The following CPSF4 variants were observed in gnomAD, a reference collection of about 807,000 sequenced individuals.
The protein encoded by CPSF4 is cleavage and polyadenylation specificity factor subunit 4.
A neutral mutation model predicts 37.7 loss-of-function variants in CPSF4; 11 were observed. The observed-to-expected ratio is 0.29, with a 90% CI of 0.18 to 0.48. CPSF4 has a LOEUF of 0.48. CPSF4 is among the 20% of genes least tolerant of loss of function. The pLI, the probability that CPSF4 is intolerant of heterozygous loss-of-function variation, is 0.99. For missense variants in CPSF4, 144 were observed against 359.5 expected, an observed-to-expected ratio of 0.40 and a Z score of 4.85; for synonymous variants, 132 against 135.9, an observed-to-expected ratio of 0.97 and a Z score of 0.20.
At chr7:99,452,315 C>G in intron 5 of CPSF4, 53 bp from the exon 6 acceptor site, 1 of 1,471,116 alleles carries the variant, frequency 6.8e-7, no homozygotes, top group Non-Finnish European at 9.5e-7. Context: ...TCTTCTCATC[C>G]CCTGACCCCA....
At position 99,448,590 on chromosome 7, in the gene CPSF4, A is replaced by C. The variant is rs1797710832; in HGVS notation, c.307+317A>C. 4.0e-6 allele frequency: 1 copy of C among 248,154 alleles called. No individual in the cohort carries two copies. Among genetic ancestry groups the C allele is most frequent in the Non-Finnish European group, 7.8e-6 (1 of 128,958 alleles). The allele number at this position is 248,154 out of a possible 1,614,324, so 15.4% of individuals were successfully genotyped here. ...GCTGGGATTACAGGCGTGAGCCACC[A>C]CGCCTGGCCCCGCGCATCACTTTGG... On this transcript the variant is annotated intron_variant, in intron 3 of 7. Coordinates refer to ENST00000292476, the MANE Select transcript of CPSF4 (RefSeq NM_006693.4). The surrounding 1 kb of genome is among the most constrained non-coding windows in gnomAD (Gnocchi z 4.4).
rs759444775 is a variant in CPSF4, at chr7:99,454,110, C to A, written c.715C>A (p.Pro239Thr). The A allele has an allele frequency of 8.7e-6, 14 of 1,613,912 alleles. No individual in the cohort carries two copies. The Admixed American group carries it at 2.3e-4, about 27-fold the overall frequency. The change falls in exon 7 of 8, where the codon CCA (proline) becomes ACA (threonine). Residue 239 changes from proline to threonine, a missense_variant. Physicochemically the swap from Pro to Thr is conservative, Grantham distance 38. Around this residue, in one of 4 missense-constraint regions of CPSF4, gnomAD observed 86 missense variants for 141.5 expected, o/e 0.61. Transcript: ENST00000292476. ...NSSAGNRGPR[P>T]LEQVTCYKCG... ...CAGCGCGGGCAACCGGGGACCCCGG[C>A]CACTGGAGCAGGTCACCTGTTACAA...
intron 1 of CPSF4, among the ~76,000 whole-genome samples, chr7:99,444,073 G>A (rs772889779): frequency 6.6e-6 from 1 of 152,158 alleles, no homozygotes; most frequent in African/African-American, 2.4e-5. Context: ...TTGTCTGTAC[G>A]TCTGTGAGAT....
Position 99,454,874 on chromosome 7 carries a change from T to C in CPSF4, c.741+738T>C, listed in dbSNP as rs771545026. Among the ~76,000 whole-genome samples the C allele has an allele frequency of 2.1e-3, 322 of 152,264 alleles. 1 individual carries two copies. The highest frequency in any genetic ancestry group is 3.3e-3 in the Non-Finnish European group (222 of 68,010). Reference sequence around the variant, plus strand: ...CACACAATTCCTACAGCTGGAGTTCTGAAGAATGAGTCCAGATTAAAAATC... The same window carrying C: ...CACACAATTCCTACAGCTGGAGTTCCGAAGAATGAGTCCAGATTAAAAATC... On this transcript the variant is annotated intron_variant, in intron 7 of 7. Coordinates refer to ENST00000292476, the MANE Select transcript of CPSF4 (RefSeq NM_006693.4).
intron 5 of CPSF4, 40 bp downstream of exon 5, chr7:99,450,835 G>A: frequency 6.8e-7 from 1 of 1,480,406 alleles, no homozygotes; most frequent in Non-Finnish European, 9.4e-7. Flanking sequence ...CCAGCTCCCG[G>A]CCCAGGCCCT....
In CPSF4 at chr7:99,450,413, C is replaced by T. The variant is rs1174445657; in HGVS notation, c.403+42C>T. The stretch of plus-strand genomic sequence containing the variant: ...GCTGGGCCCCGGGCAAGAAGCCAGT[C>T]CTCCCTTCTCTGCCCACGACCCTGG... On this transcript the variant is annotated intron_variant, in intron 4 of 7. Coordinates refer to ENST00000292476, the MANE Select transcript of CPSF4 (RefSeq NM_006693.4). 5 of 1,397,742 alleles carry T rather than the reference C, an allele frequency of 3.6e-6. No individual in the cohort carries two copies. The African/African-American group carries it at 5.7e-5, about 16-fold the overall frequency. The allele number at this position is 1,397,742 out of a possible 1,614,324, so 86.6% of individuals were successfully genotyped here.
In CPSF4 at chr7:99,456,666, T is replaced by A; in HGVS notation, c.*166T>A. 1 of 699,504 alleles carries A rather than the reference T, an allele frequency of 1.4e-6. No homozygotes were observed. The highest frequency in any genetic ancestry group is 2.6e-6 in the Non-Finnish European group (1 of 385,086). 43.3% of individuals were successfully genotyped at this position (699,504 alleles called of 1,614,324 possible). ...TCTGTTAGTTTCCTATCATTTTGCC[T>A]TAGTATTTTTTGAAAAAGGGACATG... On this transcript the variant is annotated 3_prime_UTR_variant, in exon 8 of 8. Transcript: ENST00000292476.
chr7:99,440,313 G>A (rs1039534593), intron 1 of CPSF4, among the ~76,000 whole-genome samples: 2 of 152,112 alleles, frequency 1.3e-5, no homozygotes, highest in African/African-American at 2.4e-5. Flanking sequence ...TCATGCACAT[G>A]TGACCTCTGA....
intron 1 of CPSF4, chr7:99,441,463 T>A (rs1034213310): frequency 3.1e-5 from 14 of 456,156 alleles, no homozygotes; most frequent in African/African-American, 2.8e-4. Context: ...GTAGGCACCC[T>A]CCACACTCGC....
intron 2 of CPSF4, among the ~76,000 whole-genome samples, chr7:99,446,991 A>G (rs773193915): frequency 7.9e-5 from 12 of 151,046 alleles, no homozygotes; most frequent in Non-Finnish European, 1.8e-4. Flanking sequence ...GGGTTTCATT[A>G]TGTTGGCCAG....
chr7:99,447,262 T>C (rs1354017287), intron 2 of CPSF4, among the ~76,000 whole-genome samples: 3 of 115,510 alleles, frequency 2.6e-5, no homozygotes, highest in African/African-American at 1.2e-4. Flanking sequence ...TTCCTTTCTT[T>C]TTTTTTTTCT....
intron 3 of CPSF4, 83 bp from the exon 4 acceptor site, chr7:99,450,193 C>A: frequency 9.3e-7 from 1 of 1,073,416 alleles, no homozygotes; most frequent in African/African-American, 1.6e-5. Flanking sequence ...AAACTGGACA[C>A]CAGAACCTCT....
intron 5 of CPSF4, among the ~76,000 whole-genome samples, chr7:99,451,617 A>T (rs1480395421): frequency 6.6e-6 from 1 of 152,220 alleles, no homozygotes; most frequent in East Asian, 1.9e-4. Context: ...AATAAATAAA[A>T]TAAATAAATA....
chr7:99,439,103 C>T lies in CPSF4; in HGVS notation c.21C>T (p.Ser7=). The part of the protein sequence containing the change: MQEIIA[S]VDHIKFDLEI... ...CCGCCATGCAGGAAATCATCGCCAG[C>T]GTGGACCACATCAAGTTTGACTTGG... The change falls in exon 1 of 8, where the codon AGC becomes AGT. Residue 7 remains serine, a synonymous_variant. Coordinates refer to ENST00000292476, the MANE Select transcript of CPSF4 (RefSeq NM_006693.4). 6.2e-7 allele frequency: 1 copy of T among 1,611,302 alleles called. No homozygotes were observed. The highest frequency in any genetic ancestry group is 8.5e-7 in the Non-Finnish European group (1 of 1,179,430).
At chr7:99,442,670 A>AAAAAC (rs1797115027) in intron 1 of CPSF4, among the ~76,000 whole-genome samples, 1 of 143,972 alleles carries the variant, frequency 6.9e-6, no homozygotes, top group Non-Finnish European at 1.5e-5. Context: ...AAAAAAAAAA[A>AAAAAC]AAAAACAAAA....
At chr7:99,440,672 A>ATGTTTTTT (rs1406517833) in intron 1 of CPSF4, among the ~76,000 whole-genome samples, 1 of 81,980 alleles carries the variant, frequency 1.2e-5, no homozygotes, top group African/African-American at 1.3e-4. Context: ...ATATATATAT[A>ATGTTTTTT]TATTTTTTTT....
Position 99,456,573 on chromosome 7 carries a change from C to A in CPSF4, c.*73C>A, listed in dbSNP as rs763820767. 3.1e-6 allele frequency: 4 copies of A among 1,295,700 alleles called. No homozygotes were observed. The highest frequency in any genetic ancestry group is 4.4e-6 in the Non-Finnish European group (4 of 900,842). The allele number at this position is 1,295,700 out of a possible 1,614,324, so 80.3% of individuals were successfully genotyped here. A position where few individuals can be genotyped will look rare whatever the true frequency, so the allele number is the denominator to read the frequency against. On this transcript the variant is annotated 3_prime_UTR_variant, in exon 8 of 8. Transcript: ENST00000292476. ...AGTGTGCATTTAACTGTTTCATGCG[C>A]TTGTTGGCGCGACTGTGGCTCGAGC...
At position 99,446,104 on chromosome 7, in the gene CPSF4, G is replaced by A. The variant is rs189834423; in HGVS notation, c.154+1265G>A. Among the ~76,000 whole-genome samples, 451 of 152,310 alleles carry A rather than the reference G, an allele frequency of 3.0e-3. 3 individuals carry two copies. Among genetic ancestry groups the A allele is most frequent in the Admixed American group, 5.2e-3 (79 of 15,296 alleles). Reference sequence around the variant, plus strand: ...CTATAACGTAGTCATTTACCACTGAGGTAGGAGACTTTCTGGCAGATCAGC... The same window carrying A: ...CTATAACGTAGTCATTTACCACTGAAGTAGGAGACTTTCTGGCAGATCAGC... On this transcript the variant is annotated intron_variant, in intron 2 of 7. Transcript: ENST00000292476.
At chr7:99,450,161 G>T in intron 3 of CPSF4, 115 bp from the exon 4 acceptor site, 1 of 737,110 alleles carries the variant, frequency 1.4e-6, no homozygotes, top group South Asian at 1.5e-5. Flanking sequence ...CTCTTCCCTG[G>T]CTCTCAGGGC....
Sources: gnomAD v4.1 joint callset for allele counts (sites outside exome capture counted in the v4.1 genomes callset) on GRCh38, gnomAD v4.1.1 for gene constraint, gnomAD v4.1.1 regional missense constraint, Gnocchi (gnomAD v3.1) non-coding constraint, MANE v1.5 for transcripts, NCBI Gene and HGNC (gene_info 2026-07-23, HGNC 2026-07-21) for gene names.